Variants in LUZP1 observed in about 807,000 individuals in gnomAD.
The protein encoded by LUZP1 is leucine zipper protein 1, also known as filamin mechanobinding actin cross-linking protein.
LUZP1 carries 25 observed loss-of-function variants against 71.3 expected under a neutral mutation model. The observed-to-expected ratio is 0.35, with a 90% CI of 0.26 to 0.49. The LOEUF (loss-of-function observed/expected upper bound fraction) is 0.49, where lower values mean the gene tolerates loss of function less well. LUZP1 is among the 20% of genes least tolerant of loss of function. The pLI is 0.99. For synonymous variants in LUZP1, 481 were observed against 506.4 expected (o/e 0.95, Z 0.67); for missense variants, 1,142 against 1,300.8 (o/e 0.88, Z 1.88).
Position 23,091,184 on chromosome 1 carries a change from A to T in LUZP1, c.3072+6T>A, listed in dbSNP as rs1367684087. On this transcript the variant is annotated splice_donor_region_variant and intron_variant, in intron 4 of 4. Coordinates refer to ENST00000302291, the Ensembl canonical transcript of LUZP1. Reference sequence around the variant, plus strand: ...AAAGAGAGAGGGGAGAGAGGCTGGAACTCACCATGCTTGCTGAGTGGTTCC... The same window carrying T: ...AAAGAGAGAGGGGAGAGAGGCTGGATCTCACCATGCTTGCTGAGTGGTTCC... 2 of 1,595,134 alleles carry T rather than the reference A, an allele frequency of 1.3e-6. No homozygotes were observed. Among genetic ancestry groups the T allele is most frequent in the East Asian group, 4.5e-5 (2 of 44,542 alleles).
intron 3 of LUZP1, among the ~76,000 whole-genome samples, chr1:23,103,196 G>A (rs932310170): frequency 1.4e-4 from 21 of 150,954 alleles, no homozygotes; most frequent in African/African-American, 4.9e-4. Context: ...TTCGCCCTTC[G>A]AGCCTTCTAA....
intron 3 of LUZP1, among the ~76,000 whole-genome samples, chr1:23,106,920 C>G (rs1214770432): frequency 1.3e-5 from 2 of 152,202 alleles, no homozygotes; most frequent in Non-Finnish European, 2.9e-5. Flanking sequence ...CTTTAGTGCA[C>G]CTCACTTAGA....
intron 2 of LUZP1, among the ~76,000 whole-genome samples, chr1:23,120,496 T>C (rs553495620): frequency 2.0e-5 from 3 of 152,086 alleles, no homozygotes; most frequent in South Asian, 2.1e-4. Flanking sequence ...CAAGTATCTG[T>C]GCACCAAAAT....
At chr1:23,171,828 A>G (rs898413988) in intron 1 of LUZP1, among the ~76,000 whole-genome samples, 3 of 152,232 alleles carry the variant, frequency 2.0e-5, no homozygotes, top group Non-Finnish European at 4.4e-5. Context: ...AAGTACCACA[A>G]ACCCTTGGAA....
intron 2 of LUZP1, among the ~76,000 whole-genome samples, chr1:23,118,111 A>T (rs1348264318): frequency 6.6e-6 from 1 of 150,904 alleles, no homozygotes; most frequent in Non-Finnish European, 1.5e-5. Context: ...ATAAATAATA[A>T]ATAAAAACAA....
At chr1:23,135,531 A>G (rs1349063866) in intron 2 of LUZP1, among the ~76,000 whole-genome samples, 1 of 152,224 alleles carries the variant, frequency 6.6e-6, no homozygotes, top group African/African-American at 2.4e-5. Context: ...CCACATTAAT[A>G]TGAACAAGTG....
intron 2 of LUZP1, among the ~76,000 whole-genome samples, chr1:23,115,052 T>C (rs1481780623): frequency 6.6e-6 from 1 of 152,226 alleles, no homozygotes; most frequent in African/African-American, 2.4e-5. Context: ...GTACCTCATG[T>C]TATATAAATT....
At chr1:23,137,486 C>G (rs1644263889) in intron 2 of LUZP1, among the ~76,000 whole-genome samples, 1 of 152,102 alleles carries the variant, frequency 6.6e-6, no homozygotes, top group Admixed American at 6.5e-5. Flanking sequence ...ACTAAAAATA[C>G]AAAAATTAGC....
chr1:23,092,168 C>T (rs747853664), exon 4 of LUZP1: 1 of 1,613,936 alleles, frequency 6.2e-7, no homozygotes, highest in African/African-American at 1.3e-5. Flanking sequence ...TTCTAGGTGC[C>T]CCTCGGGTTT....
intron 2 of LUZP1, among the ~76,000 whole-genome samples, chr1:23,128,854 T>A (rs549488591): frequency 3.3e-5 from 5 of 152,364 alleles, no homozygotes; most frequent in African/African-American, 1.2e-4. Context: ...GAACATTAGA[T>A]GTCAGATCTG....
intron 2 of LUZP1, among the ~76,000 whole-genome samples, chr1:23,122,505 C>T (rs974083990): frequency 2.0e-5 from 3 of 152,142 alleles, no homozygotes; most frequent in South Asian, 2.1e-4. Flanking sequence ...CCATTACCAA[C>T]GCCCTGAAGC....
At chr1:23,102,071 T>C (rs1056343718) in intron 3 of LUZP1, among the ~76,000 whole-genome samples, 6 of 152,082 alleles carry the variant, frequency 3.9e-5, no homozygotes, top group East Asian at 1.9e-4. Flanking sequence ...ATCATACATA[T>C]AACCGGAAGC....
chr1:23,173,541 G>C (rs12061712), intron 1 of LUZP1, among the ~76,000 whole-genome samples: 1 of 151,630 alleles, frequency 6.6e-6, no homozygotes, highest in Non-Finnish European at 1.5e-5. Flanking sequence ...ATTTTTGGTA[G>C]AGATGGGGTT....
intron 2 of LUZP1, among the ~76,000 whole-genome samples, chr1:23,113,795 G>A (rs1310206943): frequency 2.6e-5 from 4 of 151,762 alleles, no homozygotes; most frequent in Non-Finnish European, 5.9e-5. Flanking sequence ...CAGGAGAATC[G>A]CCTGAATCCG....
At chr1:23,098,657 T>G (rs1643907829) in intron 3 of LUZP1, among the ~76,000 whole-genome samples, 1 of 152,084 alleles carries the variant, frequency 6.6e-6, no homozygotes, top group Non-Finnish European at 1.5e-5. Flanking sequence ...GCAGCAACGA[T>G]AGAGTATTAG....
chr1:23,116,613 A>G (rs1271688112), intron 2 of LUZP1, among the ~76,000 whole-genome samples: 2 of 152,056 alleles, frequency 1.3e-5, no homozygotes. Context: ...GAGAAGAAAA[A>G]AGAGAAAAGA....
rs754019634 is a variant in LUZP1, at chr1:23,093,522, G to A, written c.740C>T (p.Ser247Phe). ...TGATTCTTTGGACGGCAGTGTGGAA[G>A]AGATGCCATCCTCAATCCGTAGGTC... The change falls in exon 4 of 5, where the codon TCT becomes TTT. Residue 247 changes from serine (S) to phenylalanine (F), a missense_variant. By Grantham distance (155) the Ser-to-Phe change is radical. Transcript: ENST00000302291. The surrounding 1 kb of genome is among the most constrained non-coding windows in gnomAD (Gnocchi z 4.2). 1 of 1,613,722 alleles carries A rather than the reference G, an allele frequency of 6.2e-7. No homozygotes were observed. The highest frequency in any genetic ancestry group is 1.7e-5 in the Admixed American group (1 of 59,960).
chr1:23,089,840 A>G (rs1643827406), intron 4 of LUZP1, among the ~76,000 whole-genome samples: 1 of 151,598 alleles, frequency 6.6e-6, no homozygotes, highest in Non-Finnish European at 1.5e-5. Context: ...GGCTCACTGC[A>G]ACCTCCGCCT....
chr1:23,138,162 T>C (rs1377361982), intron 2 of LUZP1, among the ~76,000 whole-genome samples: 3 of 152,006 alleles, frequency 2.0e-5, no homozygotes, highest in African/African-American at 7.2e-5. Flanking sequence ...TTAGTAGAGA[T>C]GGGGTTTTAC....
Sources: allele counts gnomAD v4.1 joint callset (sites outside exome capture counted in the v4.1 genomes callset), GRCh38; gene constraint gnomAD v4.1.1; non-coding constraint Gnocchi (gnomAD v3.1); transcripts MANE v1.5; gene names NCBI Gene and HGNC (gene_info 2026-07-23, HGNC 2026-07-21).